The following OTOG variants were observed in gnomAD, a reference collection of about 807,000 sequenced individuals.
OTOG encodes the protein otogelin.
OTOG carries 296 observed loss-of-function variants against 313.8 expected under a neutral mutation model. The observed-to-expected ratio is 0.94, with a 90% confidence interval of 0.86 to 1.04. The LOEUF is 1.04. Ranked by LOEUF, OTOG falls within the 50% of genes least tolerant of loss-of-function variation. The probability of loss-of-function intolerance (pLI) is 0.00; values close to 1 mark genes in which losing one functional copy is unlikely to be tolerated. For missense variants in OTOG, 3,948 were observed against 3,840.1 expected, an observed-to-expected ratio of 1.03 and a Z score of -0.74; for synonymous variants, 1,533 against 1,554.9, an observed-to-expected ratio of 0.99 and a Z score of 0.33.
chr11:17,635,525 A>T, intron 46 of OTOG, 85 bp from the exon 47 acceptor site: 1 of 1,052,076 alleles, frequency 9.5e-7, no homozygotes, highest in Non-Finnish European at 1.4e-6. Context: ...TGGGTTGTTG[A>T]GGAGGCCCCA....
At chr11:17,554,188 C>T (rs1187137536) in intron 6 of OTOG, among the ~76,000 whole-genome samples, 1 of 152,172 alleles carries the variant, frequency 6.6e-6, no homozygotes, top group African/African-American at 2.4e-5. Context: ...TAAGAAGCCA[C>T]CCTGGATCTC....
chr11:17,578,244 C>T (rs1852582120), intron 22 of OTOG, 129 bp from the exon 23 acceptor site: 22 of 1,405,990 alleles, frequency 1.6e-5, no homozygotes, highest in Non-Finnish European at 2.0e-5. Flanking sequence ...CAAGCAATGC[C>T]CAGGAGCGAC....
intron 4 of OTOG, among the ~76,000 whole-genome samples, chr11:17,552,912 A>G (rs1851974687): frequency 6.6e-6 from 1 of 152,256 alleles, no homozygotes; most frequent in Non-Finnish European, 1.5e-5. Flanking sequence ...CATCAAAGGC[A>G]GATGCCCTGC....
Position 17,576,613 on chromosome 11 carries a change from C to G in OTOG, c.2544C>G (p.Ile848Met), listed in dbSNP as rs1256253934. 1.3e-5 allele frequency: 20 copies of G among 1,550,218 alleles called. No individual in the cohort carries two copies. Among genetic ancestry groups the G allele is most frequent in the Non-Finnish European group, 1.7e-5 (19 of 1,146,714 alleles). ...ACTATCCCCCCGGAGACAGTGACATCCCATCCCTGGGCCACTGGTGAGCTC... is the reference window on the plus strand; with the variant it reads ...ACTATCCCCCCGGAGACAGTGACATGCCATCCCTGGGCCACTGGTGAGCTC... ...GVDYPPGDSD[I>M]PSLGHCHCKD... The change falls in exon 21 of 56, where the codon ATC becomes ATG. Residue 848 changes from isoleucine to methionine, a missense_variant. Physicochemically the swap from Ile to Met is conservative, Grantham distance 10. Coordinates refer to ENST00000399397, the MANE Select transcript of OTOG (RefSeq NM_001292063.2).
At chr11:17,563,490 G>C (rs2134013914) in intron 15 of OTOG, among the ~76,000 whole-genome samples, 1 of 152,316 alleles carries the variant, frequency 6.6e-6, no homozygotes, top group Middle Eastern at 3.4e-3. Context: ...CCTTCTTTCT[G>C]CTAGAGAATG....
chr11:17,639,319 C>A, intron 48 of OTOG, 104 bp from the exon 49 acceptor site: 2 of 1,263,330 alleles, frequency 1.6e-6, no homozygotes, highest in Non-Finnish European at 2.2e-6. Context: ...GGAGCTGGGT[C>A]TTCAGAAGAC....
intron 46 of OTOG, 64 bp from the exon 47 acceptor site, chr11:17,635,546 C>T (rs1182439606): frequency 1.7e-5 from 23 of 1,327,242 alleles, no homozygotes; most frequent in Non-Finnish European, 2.2e-5. Flanking sequence ...CCCCCAGCAA[C>T]GTGCTGTGTG....
intron 24 of OTOG, among the ~76,000 whole-genome samples, chr11:17,587,374 C>G (rs899551833): frequency 4.6e-5 from 7 of 152,120 alleles, no homozygotes; most frequent in African/African-American, 1.7e-4. Context: ...GGGTGAGGAA[C>G]GATGAATGTG....
intron 23 of OTOG, among the ~76,000 whole-genome samples, chr11:17,579,938 C>T (rs1343492188): frequency 1.3e-5 from 2 of 152,224 alleles, no homozygotes; most frequent in Middle Eastern, 3.2e-3. Flanking sequence ...GCCTCAGGGG[C>T]TTGTCAAAGT....
chr11:17,578,366 C>T lies in OTOG; in HGVS notation c.2606-7C>T, dbSNP rs1852586029. The T allele has an allele frequency of 1.3e-6, 2 of 1,498,778 alleles. No homozygotes were observed. The highest frequency in any genetic ancestry group is 1.8e-6 in the Non-Finnish European group (2 of 1,123,816). The allele number at this position is 1,498,778 out of a possible 1,614,324, so 92.8% of individuals were successfully genotyped here. On this transcript the variant is annotated splice_region_variant and splice_polypyrimidine_tract_variant and intron_variant, in intron 22 of 55. Coordinates refer to ENST00000399397, the MANE Select transcript of OTOG (RefSeq NM_001292063.2). ...AGGGCCTCCGCTCCCATCTTCTTCT[C>T]TTCCAGCTGCTGCCTGCCCAGCAGG...
At chr11:17,627,371 A>T (rs1051908751) in intron 39 of OTOG, among the ~76,000 whole-genome samples, 1 of 152,130 alleles carries the variant, frequency 6.6e-6, no homozygotes, top group Non-Finnish European at 1.5e-5. Flanking sequence ...CATCATTTGA[A>T]ATGATCATAT....
At chr11:17,613,366 TTCCTTCCC>T (rs1436192461) in intron 38 of OTOG, among the ~76,000 whole-genome samples, 10 of 98,628 alleles carry the variant, frequency 1.0e-4, no homozygotes, top group East Asian at 8.9e-4. Context: ...CCTTCCTTCC[TTCCTTCCC>T]TCCTTCCTTC....
In OTOG at chr11:17,612,785, C is replaced by T. The variant is rs1590042926; in HGVS notation, c.6438+20C>T. 1.3e-6 allele frequency: 2 copies of T among 1,548,242 alleles called. No individual in the cohort carries two copies. The highest frequency in any genetic ancestry group is 8.7e-7 in the Non-Finnish European group (1 of 1,145,746). The stretch of plus-strand genomic sequence containing the variant: ...AACCTGGTGCCTGCCCCATACCTCC[C>T]TCCCTGCTGGGGACTAGGAATGGGA... On this transcript the variant is annotated intron_variant, in intron 38 of 55. Coordinates refer to ENST00000399397, the MANE Select transcript of OTOG (RefSeq NM_001292063.2).
intron 20 of OTOG, 105 bp from the exon 21 acceptor site, chr11:17,576,451 G>A: frequency 1.2e-6 from 1 of 857,716 alleles, no homozygotes; most frequent in Non-Finnish European, 1.9e-6. Context: ...ACTTTTCCCT[G>A]TGTCCTTATG....
intron 30 of OTOG, among the ~76,000 whole-genome samples, chr11:17,598,208 A>G (rs753403933): frequency 5.3e-5 from 8 of 152,344 alleles, no homozygotes; most frequent in Middle Eastern, 3.4e-3. Flanking sequence ...TGGGGTACAA[A>G]GTTTCAGGGG....
chr11:17,610,523 G>C lies in OTOG; in HGVS notation c.5223G>C (p.Gln1741His), dbSNP rs1330162972. ...SQPMGSPASP[Q>H]PHPLPSAPPR... ...CCATGGGCTCGCCTGCCTCCCCACA[G>C]CCACACCCACTCCCCTCTGCACCAC... The change falls in exon 36 of 56, where the codon CAG becomes CAC. Residue 1741 changes from glutamine (Q) to histidine (H), a missense_variant. By Grantham distance (24) the Gln-to-His change is conservative (BLOSUM62 0). Transcript: ENST00000399397. 1 of 1,550,386 alleles carries C rather than the reference G, an allele frequency of 6.5e-7. No homozygotes were observed. The highest frequency in any genetic ancestry group is 1.2e-5 in the South Asian group (1 of 84,028).
At chr11:17,577,959 C>T (rs1852575013) in intron 22 of OTOG, among the ~76,000 whole-genome samples, 1 of 152,170 alleles carries the variant, frequency 6.6e-6, no homozygotes, top group African/African-American at 2.4e-5. Flanking sequence ...GATTGGTCAT[C>T]CTCTTTCTAG....
At chr11:17,639,569 C>T (rs1396143136) in intron 49 of OTOG, 106 bp downstream of exon 49, 13 of 1,228,208 alleles carry the variant, frequency 1.1e-5, no homozygotes, top group South Asian at 2.7e-5. Context: ...GCAAGGAACC[C>T]GGGGTTGCAA....
At chr11:17,556,729 G>A (rs1234790669) in intron 7 of OTOG, among the ~76,000 whole-genome samples, 1 of 152,196 alleles carries the variant, frequency 6.6e-6, no homozygotes, top group Non-Finnish European at 1.5e-5. Flanking sequence ...AACTGGGAAA[G>A]TGGTCAAGGC....
Sources: allele counts gnomAD v4.1 joint callset (sites outside exome capture counted in the v4.1 genomes callset), GRCh38; gene constraint gnomAD v4.1.1; transcripts MANE v1.5; gene names NCBI Gene and HGNC (gene_info 2026-07-23, HGNC 2026-07-21).